The following XIRP2 variants were observed in gnomAD, a reference collection of about 807,000 sequenced individuals.
XIRP2 encodes xin actin binding repeat containing 2, also known as xin actin-binding repeat-containing protein 2.
Under a neutral mutation model 277.0 loss-of-function variants are expected in XIRP2, and 236 were observed. The observed-to-expected ratio is 0.85, with a 90% CI of 0.77 to 0.95. XIRP2 has a LOEUF of 0.95. Ranked by LOEUF, XIRP2 falls within the 40% of genes least tolerant of loss-of-function variation. XIRP2 has a pLI of 0.00. For missense variants in XIRP2, 4,640 were observed against 4,157.5 expected, an observed-to-expected ratio of 1.12 and a Z score of -3.19; for synonymous variants, 1,490 against 1,416.5, an observed-to-expected ratio of 1.05 and a Z score of -1.17.
chr2:167,031,507 T>G (rs1688347162), intron 2 of XIRP2, among the ~76,000 whole-genome samples: 1 of 151,882 alleles, frequency 6.6e-6, no homozygotes, highest in Admixed American at 6.6e-5. Flanking sequence ...TCTTTAAGAA[T>G]GTTGAATTTG....
At chr2:166,972,404 A>C (rs1323520943) in intron 2 of XIRP2, among the ~76,000 whole-genome samples, 2 of 152,202 alleles carry the variant, frequency 1.3e-5, no homozygotes, top group Non-Finnish European at 2.9e-5. Context: ...CGATGATGTC[A>C]AAAGGAAAGC....
At chr2:166,897,387 C>G (rs1230001307) in intron 1 of XIRP2, among the ~76,000 whole-genome samples, 1 of 151,944 alleles carries the variant, frequency 6.6e-6, no homozygotes, top group Non-Finnish European at 1.5e-5. Context: ...CATGGCAAAA[C>G]TGTTGGTAAT....
chr2:167,247,974 T>C lies in XIRP2; in HGVS notation c.6582T>C (p.Tyr2194=), dbSNP rs747286285. 5 of 1,610,574 alleles carry C rather than the reference T, an allele frequency of 3.1e-6. No individual in the cohort carries two copies. In the East Asian group the frequency reaches 1.1e-4, roughly 36 times the overall value. ...KQTLLKQETK[Y]SNKDIKKKNI... Reference sequence around the variant, plus strand: ...CTTTGTTAAAGCAAGAAACAAAATATTCTAATAAGGATATAAAGAAAAAGA... The same window carrying C: ...CTTTGTTAAAGCAAGAAACAAAATACTCTAATAAGGATATAAAGAAAAAGA... The change falls in exon 9 of 11, where the codon TAT becomes TAC. Residue 2194 remains tyrosine (Y), a synonymous_variant. Transcript: ENST00000409195.
At chr2:167,210,555 C>T (rs1337722105) in intron 3 of XIRP2, among the ~76,000 whole-genome samples, 180 bp from the exon 4 acceptor site, 2 of 152,182 alleles carry the variant, frequency 1.3e-5, no homozygotes, top group African/African-American at 2.4e-5. Flanking sequence ...GTTATACACA[C>T]ATTTTGTAAC....
At chr2:167,254,334 T>G (rs1157595568) in intron 10 of XIRP2, among the ~76,000 whole-genome samples, 169 bp downstream of exon 10, 1 of 151,936 alleles carries the variant, frequency 6.6e-6, no homozygotes, top group African/African-American at 2.4e-5. Context: ...GCGACCTTTT[T>G]CCTTTAGGAA....
chr2:167,068,004 T>C (rs1689340785), intron 2 of XIRP2, among the ~76,000 whole-genome samples: 1 of 152,210 alleles, frequency 6.6e-6, no homozygotes, highest in South Asian at 2.1e-4. Context: ...TTTGCTCCTT[T>C]CACAAGGAAC....
chr2:167,187,986 A>G (rs1324760540), intron 3 of XIRP2, among the ~76,000 whole-genome samples: 2 of 152,308 alleles, frequency 1.3e-5, no homozygotes, highest in East Asian at 3.9e-4. Context: ...CATGAAAATT[A>G]TTCTTTTTCA....
At chr2:167,196,412 T>TTGTGTGTGTGTGTG (rs71031280) in intron 3 of XIRP2, among the ~76,000 whole-genome samples, 118 of 141,884 alleles carry the variant, frequency 8.3e-4, no homozygotes, top group African/African-American at 2.9e-3. Context: ...GTCAAGAATT[T>TTGTGTGTGTGTGTG]TGTGTGTGTG....
At chr2:166,924,656 T>C (rs775161262) in intron 2 of XIRP2, among the ~76,000 whole-genome samples, 34 of 152,046 alleles carry the variant, frequency 2.2e-4, no homozygotes, top group Non-Finnish European at 4.1e-4. Context: ...TAAGTACTTC[T>C]GCCTCCTAGA....
chr2:166,929,823 C>T (rs192520300), intron 2 of XIRP2, among the ~76,000 whole-genome samples: 9 of 152,208 alleles, frequency 5.9e-5, no homozygotes, highest in African/African-American at 1.7e-4. Flanking sequence ...AAGATGACTT[C>T]ATCAGTTATT....
At position 167,259,228 on chromosome 2, in the gene XIRP2, T is replaced by C; in HGVS notation, c.*1411T>C. 3 of 1,613,442 alleles carry C rather than the reference T, an allele frequency of 1.9e-6. No individual in the cohort carries two copies. Among genetic ancestry groups the C allele is most frequent in the Non-Finnish European group, 2.5e-6 (3 of 1,179,620 alleles). Reference sequence around the variant, plus strand: ...AAACAACAGAAGCTGCCCGCAATAATGAAAACACAGGTTTTGATGCTCTGA... The same window carrying C: ...AAACAACAGAAGCTGCCCGCAATAACGAAAACACAGGTTTTGATGCTCTGA... On this transcript the variant is annotated 3_prime_UTR_variant, in exon 11 of 11. Coordinates refer to ENST00000409195, the MANE Select transcript of XIRP2 (RefSeq NM_152381.6).
In XIRP2 at chr2:167,242,807, C is replaced by T; in HGVS notation, c.1415C>T (p.Ser472Phe). 6.2e-7 allele frequency: 1 copy of T among 1,614,062 alleles called. No homozygotes were observed. Among genetic ancestry groups the T allele is most frequent in the Non-Finnish European group, 8.5e-7 (1 of 1,179,946 alleles). Residue 472 changes from serine to phenylalanine, a missense_variant, in exon 9 of 11, where the codon TCC (serine) becomes TTC (phenylalanine). Coordinates refer to ENST00000409195, the MANE Select transcript of XIRP2 (RefSeq NM_152381.6). The stretch of plus-strand genomic sequence containing the variant: ...GTAGATGTGACAGCATTTTCCCAGT[C>T]CCCTGAACTGCCCAGTCCTCCTAGA... ...TSVDVTAFSQ[S>F]PELPSPPRRL...
At chr2:167,166,207 T>C (rs1692516352) in intron 3 of XIRP2, among the ~76,000 whole-genome samples, 1 of 152,230 alleles carries the variant, frequency 6.6e-6, no homozygotes, top group African/African-American at 2.4e-5. Context: ...TTTTTTTTCT[T>C]TGATGCATGT....
intron 2 of XIRP2, among the ~76,000 whole-genome samples, chr2:166,936,771 T>C (rs977777610): frequency 1.3e-5 from 2 of 152,148 alleles, no homozygotes; most frequent in Non-Finnish European, 2.9e-5. Flanking sequence ...CATTGATCTA[T>C]ATCTCTGTTT....
At chr2:166,906,695 C>A (rs574894152) in intron 2 of XIRP2, among the ~76,000 whole-genome samples, 37 of 152,020 alleles carry the variant, frequency 2.4e-4, no homozygotes, top group African/African-American at 8.2e-4. Flanking sequence ...GTGGCTCACA[C>A]CTGTTTTCCC....
chr2:167,159,037 G>A (rs1692286150), intron 3 of XIRP2, among the ~76,000 whole-genome samples: 1 of 152,164 alleles, frequency 6.6e-6, no homozygotes, highest in South Asian at 2.1e-4. Flanking sequence ...CCAAGGCTAG[G>A]ATTCAGGCCT....
At chr2:166,903,931 T>G (rs1404091833) in intron 2 of XIRP2, 41 bp downstream of exon 2, 2 of 1,569,632 alleles carry the variant, frequency 1.3e-6, no homozygotes, top group Non-Finnish European at 1.7e-6. Context: ...TACATATGAC[T>G]TCCTTGCCTA....
At chr2:167,183,639 A>G (rs1199620808) in intron 3 of XIRP2, among the ~76,000 whole-genome samples, 3 of 151,776 alleles carry the variant, frequency 2.0e-5, no homozygotes, top group Admixed American at 2.0e-4. Flanking sequence ...CTATCTTTTC[A>G]TATGTTTTGT....
chr2:167,054,088 T>G (rs1451221776), intron 2 of XIRP2, among the ~76,000 whole-genome samples: 2 of 152,196 alleles, frequency 1.3e-5, no homozygotes, highest in Non-Finnish European at 2.9e-5. Context: ...TCTATCATGG[T>G]GAAACCTCTT....
Sources: gnomAD v4.1 joint callset for allele counts (sites outside exome capture counted in the v4.1 genomes callset) on GRCh38, gnomAD v4.1.1 for gene constraint, MANE v1.5 for transcripts, NCBI Gene and HGNC (gene_info 2026-07-23, HGNC 2026-07-21) for gene names.